The following DNAH11 variants were observed in gnomAD, a reference collection of about 807,000 sequenced individuals.
DNAH11 encodes axonemal beta dynein heavy chain 11.
Under a neutral mutation model 526.0 loss-of-function variants are expected in DNAH11, and 442 were observed. The observed-to-expected ratio is 0.84, with a 90% CI of 0.78 to 0.91. The LOEUF is 0.91. Among genes scored for constraint, DNAH11 ranks in the 40% least tolerant of loss-of-function variants. The probability of loss-of-function intolerance (pLI) is 0.00; values close to 1 mark genes in which losing one functional copy is unlikely to be tolerated. For synonymous variants in DNAH11, 2,461 were observed against 1,935.9 expected (o/e 1.27, Z -7.12); for missense variants, 6,989 against 5,448.7 (o/e 1.28, Z -8.90).
intron 67 of DNAH11, among the ~76,000 whole-genome samples, chr7:21,853,819 T>G (rs1782729389): frequency 1.3e-5 from 2 of 152,248 alleles, no homozygotes; most frequent in African/African-American, 2.4e-5. Flanking sequence ...CAGTGCAAAG[T>G]TAGAATTAGG....
chr7:21,661,781 G>A (rs78490114), intron 30 of DNAH11, among the ~76,000 whole-genome samples: 1,634 of 152,128 alleles, frequency 0.011, 37 homozygotes, highest in African/African-American at 0.037. Context: ...TACTTGCATC[G>A]TAGGATCATT....
intron 35 of DNAH11, among the ~76,000 whole-genome samples, chr7:21,697,665 T>C (rs2128476976): frequency 6.6e-6 from 1 of 152,278 alleles, no homozygotes; most frequent in East Asian, 1.9e-4. Context: ...GTGGAAGAAT[T>C]TATTCCATGG....
rs767308949 is a variant in DNAH11, at chr7:21,655,934, G to T, written c.5047G>T (p.Glu1683Ter). The stretch of plus-strand genomic sequence containing the variant: ...CAGGGCAGTTGGAATGTACAGCAAA[G>T]AAAAGGAGTATGTCCCATTCCAAGC... ...AHRAVGMYSK[E>*]KEYVPFQAEC... The change falls in exon 29 of 82, where the codon GAA becomes TAA. Residue 1683 changes from glutamate (E) to a stop codon, truncating the protein, a stop_gained. Coordinates refer to ENST00000409508, the MANE Select transcript of DNAH11 (RefSeq NM_001277115.2). LOFTEE classifies it high-confidence loss of function. 1.2e-6 allele frequency: 2 copies of T among 1,612,512 alleles called. No individual in the cohort carries two copies. Among genetic ancestry groups the T allele is most frequent in the Non-Finnish European group, 1.7e-6 (2 of 1,179,188 alleles).
At chr7:21,678,310 C>G (rs1562485804) in intron 30 of DNAH11, among the ~76,000 whole-genome samples, 1 of 124,950 alleles carries the variant, frequency 8.0e-6, no homozygotes, top group Admixed American at 7.7e-5. Context: ...TTTCCAACAC[C>G]ATTAATGTAA....
intron 51 of DNAH11, among the ~76,000 whole-genome samples, 177 bp downstream of exon 51, chr7:21,745,240 C>G (rs1004953036): frequency 6.6e-5 from 10 of 152,104 alleles, no homozygotes; most frequent in African/African-American, 2.2e-4. Flanking sequence ...TTAATAATGT[C>G]TTACATAGGC....
intron 2 of DNAH11, among the ~76,000 whole-genome samples, chr7:21,545,841 ACTG>A (rs1284268473): frequency 1.3e-5 from 2 of 152,198 alleles, no homozygotes; most frequent in Non-Finnish European, 2.9e-5. Flanking sequence ...TTGAAGAACA[ACTG>A]CCAAATAACC....
At chr7:21,832,790 A>G (rs950920844) in intron 65 of DNAH11, among the ~76,000 whole-genome samples, 5 of 152,202 alleles carry the variant, frequency 3.3e-5, no homozygotes, top group Non-Finnish European at 7.4e-5. Context: ...ATGGCTTTTA[A>G]AGGATTGGAA....
At chr7:21,871,949 C>T (rs1042938610) in intron 73 of DNAH11, among the ~76,000 whole-genome samples, 1 of 151,254 alleles carries the variant, frequency 6.6e-6, no homozygotes, top group Non-Finnish European at 1.5e-5. Context: ...AGTGAAACCC[C>T]GTCTCTACTA....
chr7:21,721,467 A>G (rs1784872492), intron 44 of DNAH11, among the ~76,000 whole-genome samples: 1 of 152,206 alleles, frequency 6.6e-6, no homozygotes, highest in Non-Finnish European at 1.5e-5. Context: ...AAATTGGGTG[A>G]CTTAAGCAAT....
rs72657336 is a variant in DNAH11 at position 21,690,899 on chromosome 7, T to C, written c.6041+18T>C. 8,364 of 1,582,432 alleles carry C rather than the reference T, an allele frequency of 5.3e-3. 49 individuals carry two copies. Among genetic ancestry groups the C allele is most frequent in the Non-Finnish European group, 6.2e-3 (7,188 of 1,154,442 alleles). ...CTTTTCAGGCAAGTGTTATGCTTTGTGGCTTAGCATCTGGTGCACTCATGC... is the reference window on the plus strand; with the variant it reads ...CTTTTCAGGCAAGTGTTATGCTTTGCGGCTTAGCATCTGGTGCACTCATGC... On this transcript the variant is annotated intron_variant, in intron 35 of 81. Coordinates refer to ENST00000409508, the MANE Select transcript of DNAH11 (RefSeq NM_001277115.2).
chr7:21,735,616 G>A (rs983479366), intron 45 of DNAH11, 24 bp from the exon 46 acceptor site: 1 of 1,555,056 alleles, frequency 6.4e-7, no homozygotes, highest in East Asian at 2.4e-5. Flanking sequence ...TCTGATCTTT[G>A]TCTCATTCTG....
chr7:21,854,603 G>T, intron 68 of DNAH11, 148 bp downstream of exon 68: 1 of 909,384 alleles, frequency 1.1e-6, no homozygotes, highest in East Asian at 2.9e-5. Context: ...AGGCTGGAGT[G>T]CAGTGGCGTG....
At chr7:21,789,753 A>C (rs1176136861) in intron 61 of DNAH11, among the ~76,000 whole-genome samples, 2 of 100,162 alleles carry the variant, frequency 2.0e-5, no homozygotes, top group Non-Finnish European at 2.3e-5. Context: ...AATAATAAGC[A>C]TTTCTTTCTC....
At chr7:21,597,036 C>T (rs1334343781) in intron 14 of DNAH11, among the ~76,000 whole-genome samples, 1 of 152,146 alleles carries the variant, frequency 6.6e-6, no homozygotes. Flanking sequence ...CTGCCTTTTG[C>T]ATGCTGCATG....
rs1186964571 is a variant in DNAH11, at chr7:21,588,106, A to G, written c.1753A>G (p.Met585Val). 1 of 1,613,498 alleles carries G rather than the reference A, an allele frequency of 6.2e-7. No homozygotes were observed. The highest frequency in any genetic ancestry group is 1.1e-5 in the South Asian group (1 of 91,050). Residue 585 changes from methionine to valine, a missense_variant, in exon 10 of 82, where the codon ATG (methionine) becomes GTG (valine). Met to Val is a conservative substitution (Grantham distance 21, BLOSUM62 1). Transcript: ENST00000409508. ...AAATTTTCTAGAGAAGCCAGTTGTC[A>G]TGGAAATTTTCAGCCTACATTACAG... The part of the protein sequence containing the change: ...FGNFLEKPVV[M>V]EIFSLHYSTL...
intron 28 of DNAH11, among the ~76,000 whole-genome samples, chr7:21,646,541 A>G (rs73271651): frequency 0.069 from 10,438 of 152,234 alleles, 867 homozygotes; most frequent in Admixed American, 0.24. Context: ...AGTTGTACAA[A>G]GAGAACTCCA....
At chr7:21,789,032 T>C (rs1788315679) in intron 60 of DNAH11, among the ~76,000 whole-genome samples, 1 of 152,094 alleles carries the variant, frequency 6.6e-6, no homozygotes, top group Non-Finnish European at 1.5e-5. Flanking sequence ...CATACACCTG[T>C]AATCTCAGCA....
At chr7:21,797,230 TC>T (rs1788759104) in intron 61 of DNAH11, among the ~76,000 whole-genome samples, 1 of 151,998 alleles carries the variant, frequency 6.6e-6, no homozygotes, top group Non-Finnish European at 1.5e-5. Flanking sequence ...TTTTTTTTTT[TC>T]CTTTTGAGAC....
intron 56 of DNAH11, among the ~76,000 whole-genome samples, chr7:21,776,275 C>A (rs1284775367): frequency 6.6e-6 from 1 of 152,150 alleles, no homozygotes; most frequent in Non-Finnish European, 1.5e-5. Flanking sequence ...ACGGTGATTT[C>A]TTTTCATTAG....
Sources: gnomAD v4.1 joint callset for allele counts (sites outside exome capture counted in the v4.1 genomes callset) on GRCh38, gnomAD v4.1.1 for gene constraint, MANE v1.5 for transcripts, NCBI Gene and HGNC (gene_info 2026-07-23, HGNC 2026-07-21) for gene names.